The following STX8 variants were observed in gnomAD, a reference collection of about 807,000 sequenced individuals.
STX8 encodes the protein syntaxin-8.
In STX8, 23 loss-of-function variants were observed where a neutral mutation model predicts 37.5. That is an observed-to-expected ratio of 0.61 (90% CI 0.44 to 0.87). The LOEUF (loss-of-function observed/expected upper bound fraction) is 0.87. Ranked by LOEUF, STX8 falls within the 40% of genes least tolerant of loss-of-function variation. The pLI, the probability that STX8 is intolerant of heterozygous loss-of-function variation, is 0.00. For synonymous variants in STX8, 115 were observed against 99.1 expected, an observed-to-expected ratio of 1.16 and a Z score of -0.95; for missense variants, 313 against 284.7, an observed-to-expected ratio of 1.10 and a Z score of -0.71.
chr17:9,445,850 T>TC (rs1259292723), intron 6 of STX8, among the ~76,000 whole-genome samples: 1 of 149,526 alleles, frequency 6.7e-6, no homozygotes, highest in Non-Finnish European at 1.5e-5. Flanking sequence ...CTTTTTTTTT[T>TC]TTTTTGAGAC....
chr17:9,391,064 T>C (rs1468394318), intron 6 of STX8, among the ~76,000 whole-genome samples: 1 of 152,100 alleles, frequency 6.6e-6, no homozygotes, highest in African/African-American at 2.4e-5. Context: ...TGCAGTTATA[T>C]AGGAAAACAA....
chr17:9,534,204 A>G (rs1482191946), intron 4 of STX8, among the ~76,000 whole-genome samples: 1 of 152,176 alleles, frequency 6.6e-6, no homozygotes, highest in South Asian at 2.1e-4. Flanking sequence ...ACAATAGAAA[A>G]GTACAATTTA....
chr17:9,266,389 G>C (rs1356352481), intron 7 of STX8, among the ~76,000 whole-genome samples: 1 of 152,154 alleles, frequency 6.6e-6, no homozygotes, highest in Non-Finnish European at 1.5e-5. Flanking sequence ...GGCCCTTCTG[G>C]ACTATTCTAT....
At chr17:9,481,176 C>G (rs1447463735) in intron 6 of STX8, among the ~76,000 whole-genome samples, 1 of 152,120 alleles carries the variant, frequency 6.6e-6, no homozygotes, top group Non-Finnish European at 1.5e-5. Flanking sequence ...AACCACCGTG[C>G]CCGGCCTCCT....
chr17:9,412,524 C>T (rs952988685), intron 6 of STX8, among the ~76,000 whole-genome samples: 1 of 152,166 alleles, frequency 6.6e-6, no homozygotes, highest in African/African-American at 2.4e-5. Context: ...GGTGATCCGC[C>T]CATCTCGGCC....
chr17:9,465,702 CTCGAACAACGACGACAACAATAGCTGCCT>C (rs1451244708), intron 6 of STX8, among the ~76,000 whole-genome samples: 1 of 152,170 alleles, frequency 6.6e-6, no homozygotes, highest in Non-Finnish European at 1.5e-5. Flanking sequence ...TATCGGATCA[CTCGAACAACGACGACAACAATAGCTGCCT>C]TTAGGGAGGA....
At chr17:9,550,146 C>G (rs1016837746) in intron 3 of STX8, among the ~76,000 whole-genome samples, 6 of 151,984 alleles carry the variant, frequency 3.9e-5, no homozygotes, top group African/African-American at 1.2e-4. Context: ...ATCGCTGGAA[C>G]CCGGGAGGCA....
intron 7 of STX8, among the ~76,000 whole-genome samples, chr17:9,354,220 C>T (rs1364719983): frequency 4.6e-5 from 7 of 151,892 alleles, no homozygotes; most frequent in Admixed American, 6.6e-5. Flanking sequence ...CTAACAATTA[C>T]GTTATCATGG....
chr17:9,407,041 TAA>T (rs1912825883), intron 6 of STX8, among the ~76,000 whole-genome samples: 2 of 152,106 alleles, frequency 1.3e-5, no homozygotes, highest in African/African-American at 4.8e-5. Context: ...AATTAAATTT[TAA>T]AAAATTAAGT....
chr17:9,527,727 G>A (rs1054625330), intron 4 of STX8, among the ~76,000 whole-genome samples: 8 of 152,184 alleles, frequency 5.3e-5, no homozygotes, highest in African/African-American at 1.4e-4. Flanking sequence ...GTTCTGTAAC[G>A]CCCACTGACA....
chr17:9,293,137 AAAT>A (rs1908376268), intron 7 of STX8, among the ~76,000 whole-genome samples: 1 of 152,248 alleles, frequency 6.6e-6, no homozygotes, highest in Admixed American at 6.5e-5. Context: ...AGATAAAGAA[AAAT>A]AATAATGAAT....
chr17:9,498,876 T>C (rs903827029), intron 5 of STX8, among the ~76,000 whole-genome samples: 1 of 152,212 alleles, frequency 6.6e-6, no homozygotes, highest in South Asian at 2.1e-4. Flanking sequence ...CAAGGGTGTA[T>C]AATAACCAAA....
chr17:9,463,144 A>C (rs903314113), intron 6 of STX8, among the ~76,000 whole-genome samples: 1 of 152,232 alleles, frequency 6.6e-6, no homozygotes, highest in South Asian at 2.1e-4. Context: ...CTCATGGTTT[A>C]CAGCTTGAGC....
intron 6 of STX8, among the ~76,000 whole-genome samples, chr17:9,434,289 C>A (rs1484715372): frequency 6.6e-6 from 1 of 152,204 alleles, no homozygotes; most frequent in African/African-American, 2.4e-5. Context: ...AGGCGTGAGC[C>A]ACTGCGCCCA....
At position 9,254,306 on chromosome 17, in the gene STX8, C is replaced by T. The variant is rs149345722; in HGVS notation, c.644-3661G>A. 1.2e-3 allele frequency among the ~76,000 whole-genome samples: 176 copies of T among 152,296 alleles called. 5 individuals carry two copies. The highest frequency in any genetic ancestry group is 3.8e-3 in the African/African-American group (158 of 41,548). On this transcript the variant is annotated intron_variant, in intron 7 of 7. Coordinates refer to ENST00000306357, the MANE Select transcript of STX8 (RefSeq NM_004853.3). Reference sequence around the variant, plus strand: ...GCTCCCCACTCGTGGTCTAGTTAATCCCTCAAACTCAGTGGCATTTTCCCA... The same window carrying T: ...GCTCCCCACTCGTGGTCTAGTTAATTCCTCAAACTCAGTGGCATTTTCCCA...
At chr17:9,490,989 T>C (rs1267099548) in intron 6 of STX8, among the ~76,000 whole-genome samples, 1 of 152,154 alleles carries the variant, frequency 6.6e-6, no homozygotes, top group Non-Finnish European at 1.5e-5. Context: ...GGGCTTTCCA[T>C]AAATGCCAGC....
At chr17:9,540,234 A>G (rs1423795181) in intron 4 of STX8, among the ~76,000 whole-genome samples, 1 of 152,216 alleles carries the variant, frequency 6.6e-6, no homozygotes, top group Non-Finnish European at 1.5e-5. Flanking sequence ...CTGGTCCTCG[A>G]TAGGTCCACA....
intron 6 of STX8, among the ~76,000 whole-genome samples, chr17:9,478,926 T>C (rs1269128170): frequency 6.6e-6 from 1 of 152,200 alleles, no homozygotes; most frequent in African/African-American, 2.4e-5. Flanking sequence ...CACAGCCTCC[T>C]GTCCTTTTCC....
In STX8 at chr17:9,552,134, G is replaced by A. The variant is rs553817278; in HGVS notation, c.212+5300C>T. On this transcript the variant is annotated intron_variant, in intron 3 of 7. Coordinates refer to ENST00000306357, the MANE Select transcript of STX8 (RefSeq NM_004853.3). Reference sequence around the variant, plus strand: ...TGCAGGCCAAGGTGGAGGATCGCTTGAGACTAGAAGTTCGAGACCAGCCTG... The same window carrying A: ...TGCAGGCCAAGGTGGAGGATCGCTTAAGACTAGAAGTTCGAGACCAGCCTG... Among the ~76,000 whole-genome samples the A allele has an allele frequency of 3.9e-5, 6 of 152,110 alleles. No individual in the cohort carries two copies. In the South Asian group the frequency reaches 1.2e-3, roughly 32 times the overall value.
Sources: gnomAD v4.1 joint callset for allele counts (sites outside exome capture counted in the v4.1 genomes callset) on GRCh38, gnomAD v4.1.1 for gene constraint, MANE v1.5 for transcripts, NCBI Gene and HGNC (gene_info 2026-07-23, HGNC 2026-07-21) for gene names.